PRDM5: variants seen among roughly 807,000 people sequenced by gnomAD.
The protein encoded by PRDM5 is PR/SET domain 5, also known as PR domain zinc finger protein 5.
In PRDM5, 56 loss-of-function variants were observed where a neutral mutation model predicts 81.2. The ratio of observed to expected loss-of-function variants is 0.69; its 90% CI spans 0.56 to 0.86. The LOEUF is 0.86. Among genes scored for constraint, PRDM5 ranks in the 40% least tolerant of loss-of-function variants. The pLI is 0.00. For missense variants in PRDM5, 697 were observed against 770.1 expected (o/e 0.91, Z 1.12); for synonymous variants, 267 against 256.4 (o/e 1.04, Z -0.39).
In PRDM5 at chr4:120,756,968, G is replaced by A. The variant is rs191728176; in HGVS notation, c.1538-2330C>T. On this transcript the variant is annotated intron_variant, in intron 13 of 15. Coordinates refer to ENST00000264808, the MANE Select transcript of PRDM5 (RefSeq NM_018699.4). ...TTCTCTTTGTATCACATAGCTTTAC[G>A]TCTGGTTTTGTTCTCCAAATACCAA... Among the ~76,000 whole-genome samples the A allele has an allele frequency of 3.1e-3, 465 of 152,112 alleles. 2 individuals carry two copies. The highest frequency in any genetic ancestry group is 6.2e-3 in the South Asian group (30 of 4,810).
chr4:120,803,463 C>T (rs527292924), intron 8 of PRDM5, among the ~76,000 whole-genome samples: 17 of 152,238 alleles, frequency 1.1e-4, no homozygotes, highest in South Asian at 6.2e-4. Context: ...AGAGAAAGGT[C>T]GGGTTACCCA....
chr4:120,731,867 C>A (rs1190867097), intron 14 of PRDM5: 6 of 152,176 alleles, frequency 3.9e-5, no homozygotes, highest in Admixed American at 3.9e-4. Context: ...CTTCTGCACA[C>A]TTATAAATAA....
chr4:120,710,955 A>G (rs1304737708), intron 14 of PRDM5, among the ~76,000 whole-genome samples: 3 of 152,204 alleles, frequency 2.0e-5, no homozygotes, highest in African/African-American at 7.2e-5. Flanking sequence ...AATAACCCAC[A>G]TCTGTCAGAC....
At chr4:120,697,525 T>C (rs996457230) in intron 15 of PRDM5, among the ~76,000 whole-genome samples, 5 of 151,978 alleles carry the variant, frequency 3.3e-5, no homozygotes, top group African/African-American at 9.7e-5. Context: ...TCTTTTTTTT[T>C]TTTGAGTCAA....
At chr4:120,916,718 A>G (rs1450479) in intron 1 of PRDM5, among the ~76,000 whole-genome samples, 4 of 152,018 alleles carry the variant, frequency 2.6e-5, no homozygotes, top group Non-Finnish European at 4.4e-5. Flanking sequence ...TCCTCCACCC[A>G]CAACCTTCCC....
downstream of PRDM5, among the ~76,000 whole-genome samples, chr4:120,691,096 T>C (rs1046089269): frequency 4.6e-5 from 7 of 152,136 alleles, no homozygotes; most frequent in African/African-American, 1.4e-4. Flanking sequence ...TATGAACATT[T>C]GTTTCAGTAT....
At chr4:120,840,212 G>A (rs1014994174) in intron 3 of PRDM5, among the ~76,000 whole-genome samples, 10 of 152,154 alleles carry the variant, frequency 6.6e-5, no homozygotes, top group South Asian at 4.1e-4. Flanking sequence ...CCAGGTTCTC[G>A]CCGGGCTGGG....
intron 2 of PRDM5, among the ~76,000 whole-genome samples, chr4:120,860,333 A>T (rs1482823395): frequency 6.6e-6 from 1 of 152,206 alleles, no homozygotes; most frequent in Non-Finnish European, 1.5e-5. Context: ...ACTTAATGTA[A>T]AATATTTTAA....
In PRDM5 at chr4:120,693,529, C is replaced by T. The variant is rs561198410; in HGVS notation, c.*1582G>A. ...TAACTATACTTAAATATCTTCTAAA[C>T]TATAATTTTAGGATTTATGTTTTTA... is the stretch of plus-strand genomic sequence containing the variant. On this transcript the variant is annotated 3_prime_UTR_variant, in exon 16 of 16. Transcript: ENST00000264808. 6.6e-4 allele frequency: 100 copies of T among 152,142 alleles called. No individual in the cohort carries two copies. Among genetic ancestry groups the T allele is most frequent in the Non-Finnish European group, 1.1e-3 (73 of 67,968 alleles). 9.4% of individuals were successfully genotyped at this position (152,142 alleles called of 1,614,324 possible).
intron 2 of PRDM5, among the ~76,000 whole-genome samples, chr4:120,874,769 T>C (rs1445473523): frequency 6.6e-6 from 1 of 152,222 alleles, no homozygotes; most frequent in East Asian, 1.9e-4. Context: ...CCAATACTGA[T>C]ACTGTGGGTA....
At chr4:120,763,612 G>C (rs1745951448) in intron 13 of PRDM5, among the ~76,000 whole-genome samples, 1 of 152,170 alleles carries the variant, frequency 6.6e-6, no homozygotes, top group South Asian at 2.1e-4. Flanking sequence ...AACAATTTAA[G>C]TCAAGGAAGA....
intron 10 of PRDM5, among the ~76,000 whole-genome samples, chr4:120,795,598 A>C (rs1751232962): frequency 6.6e-6 from 1 of 152,012 alleles, no homozygotes; most frequent in South Asian, 2.1e-4. Context: ...CAAAAAAAAA[A>C]AAAAACACCC....
intron 8 of PRDM5, among the ~76,000 whole-genome samples, chr4:120,809,658 T>C (rs1222644717): frequency 6.6e-6 from 1 of 152,220 alleles, no homozygotes; most frequent in African/African-American, 2.4e-5. Context: ...GACTATAGTA[T>C]AATTTGGCAT....
At chr4:120,780,428 A>G (rs891964595) in intron 12 of PRDM5, among the ~76,000 whole-genome samples, 1 of 152,122 alleles carries the variant, frequency 6.6e-6, no homozygotes, top group African/African-American at 2.4e-5. Flanking sequence ...TGGGCAACAG[A>G]GCGAGACTCT....
At chr4:120,760,932 T>C (rs1302261055) in intron 13 of PRDM5, among the ~76,000 whole-genome samples, 2 of 152,130 alleles carry the variant, frequency 1.3e-5, no homozygotes, top group African/African-American at 2.4e-5. Context: ...AACAAGGATA[T>C]AGGTTTAAGA....
At chr4:120,832,557 C>T (rs1159488196) in intron 3 of PRDM5, among the ~76,000 whole-genome samples, 2 of 152,104 alleles carry the variant, frequency 1.3e-5, no homozygotes, top group African/African-American at 2.4e-5. Flanking sequence ...CCTCACTTCC[C>T]CATGAGCTTG....
At chr4:120,730,378 T>C (rs1043243287) in intron 14 of PRDM5, among the ~76,000 whole-genome samples, 10 of 152,200 alleles carry the variant, frequency 6.6e-5, no homozygotes, top group Non-Finnish European at 1.2e-4. Context: ...AAAAGGCACA[T>C]GAATCATGTA....
At chr4:120,776,000 C>G (rs943241126) in intron 13 of PRDM5, among the ~76,000 whole-genome samples, 2 of 152,130 alleles carry the variant, frequency 1.3e-5, no homozygotes, top group Non-Finnish European at 2.9e-5. Context: ...TTTAAGTACA[C>G]CTGCCCTCAA....
intron 14 of PRDM5, among the ~76,000 whole-genome samples, chr4:120,729,443 T>C (rs1022185610): frequency 2.0e-5 from 3 of 152,110 alleles, no homozygotes; most frequent in Non-Finnish European, 2.9e-5. Context: ...AGAGGCCCCA[T>C]AGGTCCTTCA....
Sources: gnomAD v4.1 joint callset for allele counts (sites outside exome capture counted in the v4.1 genomes callset) on GRCh38, gnomAD v4.1.1 for gene constraint, MANE v1.5 for transcripts, NCBI Gene and HGNC (gene_info 2026-07-23, HGNC 2026-07-21) for gene names.